Variants in RGS9 observed in about 807,000 individuals in gnomAD.
The protein encoded by RGS9 is regulator of G-protein signalling 9.
RGS9 carries 78 observed loss-of-function variants against 102.0 expected under a neutral mutation model. The ratio of observed to expected loss-of-function variants is 0.76; its 90% CI spans 0.64 to 0.92. The LOEUF (loss-of-function observed/expected upper bound fraction) is 0.92. RGS9 is among the 40% of genes least tolerant of loss of function. RGS9 has a pLI of 0.00. For synonymous variants in RGS9, 353 were observed against 318.6 expected (o/e 1.11, Z -1.15); for missense variants, 833 against 866.1 (o/e 0.96, Z 0.48).
At chr17:65,215,789 G>C (rs147360536) in intron 17 of RGS9, among the ~76,000 whole-genome samples, 1 of 151,960 alleles carries the variant, frequency 6.6e-6, no homozygotes. Context: ...TCGAACACCT[G>C]ACCTCAAGTG....
chr17:65,141,986 G>C lies in RGS9; in HGVS notation c.57+4389G>C, dbSNP rs370939235. Among the ~76,000 whole-genome samples, 5 of 152,264 alleles carry C rather than the reference G, an allele frequency of 3.3e-5. No individual in the cohort carries two copies. In the East Asian group the frequency reaches 5.8e-4, roughly 18 times the overall value. ...GAAAGGCCCAGATCTGCTGGGTGCAGTGGCACATGCCTGTAATCCCAGTAC... is the reference window on the plus strand; with the variant it reads ...GAAAGGCCCAGATCTGCTGGGTGCACTGGCACATGCCTGTAATCCCAGTAC... On this transcript the variant is annotated intron_variant, in intron 1 of 18. Transcript: ENST00000262406.
chr17:65,200,102 G>T (rs1567885509), intron 13 of RGS9, among the ~76,000 whole-genome samples: 1 of 151,762 alleles, frequency 6.6e-6, no homozygotes, highest in African/African-American at 2.4e-5. Context: ...TACCATCTCG[G>T]CTCACTGCAA....
chr17:65,168,150 C>T (rs1258452057), intron 7 of RGS9, 50 bp from the exon 8 acceptor site: 7 of 1,325,516 alleles, frequency 5.3e-6, no homozygotes, highest in Non-Finnish European at 7.5e-6. Context: ...CATCACTAAT[C>T]AAAAGACACA....
chr17:65,190,296 C>G, intron 11 of RGS9, 60 bp downstream of exon 11: 1 of 1,320,054 alleles, frequency 7.6e-7, no homozygotes, highest in African/African-American at 1.4e-5. Flanking sequence ...AAGAGGAGAA[C>G]TTCTGCAAAC....
intron 17 of RGS9, among the ~76,000 whole-genome samples, chr17:65,216,793 C>A (rs1227740038): frequency 6.6e-6 from 1 of 152,172 alleles, no homozygotes; most frequent in Non-Finnish European, 1.5e-5. Context: ...AGTCTTATTT[C>A]ATCGAGTTTG....
At chr17:65,165,021 C>T (rs556259090) in intron 7 of RGS9, among the ~76,000 whole-genome samples, 3 of 152,246 alleles carry the variant, frequency 2.0e-5, no homozygotes, top group South Asian at 2.1e-4. Context: ...ATTTGTTGCA[C>T]CAGTTTTGAG....
intron 13 of RGS9, among the ~76,000 whole-genome samples, chr17:65,198,536 G>A (rs1377337740): frequency 2.0e-5 from 3 of 152,206 alleles, no homozygotes; most frequent in East Asian, 1.9e-4. Context: ...GATTACAGGC[G>A]TGAGCCACTG....
intron 7 of RGS9, among the ~76,000 whole-genome samples, chr17:65,165,382 T>C (rs963642505): frequency 6.6e-6 from 1 of 152,172 alleles, no homozygotes; most frequent in African/African-American, 2.4e-5. Context: ...GATGGCTTTT[T>C]CCCACTTATT....
In RGS9 at chr17:65,153,506, C is replaced by T; in HGVS notation, c.142C>T (p.His48Tyr). ...GAGGGTCCTGGTCACCAGCGTTCCT[C>T]ATGCCATGACAGGTGATGTAGCTTG... is the stretch of plus-strand genomic sequence containing the variant. ...NQRVLVTSVP[H>Y]AMTGSDVLQW... Residue 48 changes from histidine to tyrosine, a missense_variant, in exon 2 of 19, where the codon CAT becomes TAT. Around this residue, in one of 3 missense-constraint regions of RGS9, gnomAD observed 328 missense variants for 340.6 expected, o/e 0.96. Coordinates refer to ENST00000262406, the MANE Select transcript of RGS9 (RefSeq NM_003835.4). 1.2e-6 allele frequency: 2 copies of T among 1,613,668 alleles called. No homozygotes were observed. The highest frequency in any genetic ancestry group is 2.2e-5 in the East Asian group (1 of 44,882).
At chr17:65,215,330 T>G (rs1913450618) in intron 17 of RGS9, among the ~76,000 whole-genome samples, 1 of 152,134 alleles carries the variant, frequency 6.6e-6, no homozygotes, top group Admixed American at 6.5e-5. Context: ...AAGGGTGATG[T>G]TAAGAAAGGT....
intron 1 of RGS9, among the ~76,000 whole-genome samples, chr17:65,146,631 A>G (rs1910373023): frequency 6.6e-6 from 1 of 151,712 alleles, no homozygotes. Context: ...ACGGTGGCTC[A>G]TGCCTGTAAT....
At chr17:65,153,734 C>T (rs1179191065) in intron 2 of RGS9, among the ~76,000 whole-genome samples, 1 of 151,766 alleles carries the variant, frequency 6.6e-6, no homozygotes, top group Non-Finnish European at 1.5e-5. Flanking sequence ...TATTAAAATA[C>T]AAAAAATTAG....
At chr17:65,208,868 A>C (rs891799874) in intron 16 of RGS9, among the ~76,000 whole-genome samples, 2 of 152,254 alleles carry the variant, frequency 1.3e-5, no homozygotes, top group African/African-American at 2.4e-5. Flanking sequence ...AACAAAAAAA[A>C]CCAACTTGGC....
At chr17:65,177,952 G>A in intron 9 of RGS9, 149 bp downstream of exon 9, 1 of 728,640 alleles carries the variant, frequency 1.4e-6, no homozygotes, top group South Asian at 1.5e-5. Flanking sequence ...TGTGGACTCA[G>A]GGTTAGGGGA....
At chr17:65,199,283 A>G (rs1912722527) in intron 13 of RGS9, among the ~76,000 whole-genome samples, 2 of 152,164 alleles carry the variant, frequency 1.3e-5, no homozygotes, top group African/African-American at 2.4e-5. Flanking sequence ...GAAACTCTTT[A>G]CCCATTAGAA....
chr17:65,204,312 C>G lies in RGS9; in HGVS notation c.1203+11C>G, dbSNP rs774477634. ...ATGCTCATGAAGAAGGTAGGTGGGT[C>G]CGTGCTGTGGATACGGGGTCCAGAT... is the stretch of plus-strand genomic sequence containing the variant. On this transcript the variant is annotated intron_variant, in intron 15 of 18. Coordinates refer to ENST00000262406, the MANE Select transcript of RGS9 (RefSeq NM_003835.4). The G allele has an allele frequency of 8.7e-6, 14 of 1,613,562 alleles. No homozygotes were observed. The highest frequency in any genetic ancestry group is 8.5e-7 in the Non-Finnish European group (1 of 1,179,928).
Position 65,153,858 on chromosome 17 carries a change from C to T in RGS9, c.154+340C>T, listed in dbSNP as rs1403199049. Among the ~76,000 whole-genome samples, 5 of 152,140 alleles carry T rather than the reference C, an allele frequency of 3.3e-5. No homozygotes were observed. In the South Asian group the frequency reaches 6.2e-4, roughly 19 times the overall value. On this transcript the variant is annotated intron_variant, in intron 2 of 18. Transcript: ENST00000262406. ...TGAGCAGAGATTGCGCCATTGCACT[C>T]CAGCCTGGGCGACAGAGCGAGACTC...
At chr17:65,177,992 A>T (rs1911712585) in intron 9 of RGS9, among the ~76,000 whole-genome samples, 189 bp downstream of exon 9, 1 of 152,190 alleles carries the variant, frequency 6.6e-6, no homozygotes, top group African/African-American at 2.4e-5. Context: ...ATGCTAGGTG[A>T]GAAGAAATTA....
At chr17:65,176,224 C>G (rs1911618872) in intron 8 of RGS9, among the ~76,000 whole-genome samples, 1 of 152,170 alleles carries the variant, frequency 6.6e-6, no homozygotes, top group Non-Finnish European at 1.5e-5. Context: ...TTCTGGAGAG[C>G]TGGGTTACCT....
Sources: allele counts gnomAD v4.1 joint callset (sites outside exome capture counted in the v4.1 genomes callset), GRCh38; gene constraint gnomAD v4.1.1; regional missense constraint gnomAD v4.1.1; transcripts MANE v1.5; gene names NCBI Gene and HGNC (gene_info 2026-07-23, HGNC 2026-07-21).